UNC45A: variants seen among roughly 807,000 people sequenced by gnomAD.
UNC45A encodes protein unc-45 homolog A.
In UNC45A, 78 loss-of-function variants were observed where a neutral mutation model predicts 103.2. The ratio of observed to expected loss-of-function variants is 0.76; its 90% CI spans 0.63 to 0.91. The LOEUF is 0.91. Ranked by LOEUF, UNC45A falls within the 40% of genes least tolerant of loss-of-function variation. The pLI is 0.00. For synonymous variants in UNC45A, 495 were observed against 504.6 expected (o/e 0.98, Z 0.25); for missense variants, 1,193 against 1,224.8 (o/e 0.97, Z 0.39).
chr15:90,949,851 C>T, intron 15 of UNC45A, 131 bp downstream of exon 15: 1 of 1,008,914 alleles, frequency 9.9e-7, no homozygotes, highest in Non-Finnish European at 1.5e-6. Context: ...GGAACACCGT[C>T]CCGCTGAGAG....
At chr15:90,952,904 G>C (rs756963212) in intron 17 of UNC45A, 25 bp from the exon 18 acceptor site, 3 of 1,601,256 alleles carry the variant, frequency 1.9e-6, no homozygotes, top group Non-Finnish European at 2.6e-6. Context: ...CCGTATCCCT[G>C]CTGCTTCCTC....
rs751138040 is a variant in UNC45A, at chr15:90,935,306, A to C, written c.-19A>C. ...CCCCAGAGACTGCGCCTGCGCGGGC[A>C]CGAGACAACCTCTCCGCGATGACTG... On this transcript the variant is annotated 5_prime_UTR_variant, in exon 1 of 20. Coordinates refer to ENST00000418476, the MANE Select transcript of UNC45A (RefSeq NM_018671.5). 2.5e-6 allele frequency: 4 copies of C among 1,598,220 alleles called. No individual in the cohort carries two copies. Among genetic ancestry groups the C allele is most frequent in the Non-Finnish European group, 3.4e-6 (4 of 1,174,790 alleles).
chr15:90,940,968 T>C (rs1288661211), intron 6 of UNC45A: 1 of 151,744 alleles, frequency 6.6e-6, no homozygotes, highest in Non-Finnish European at 1.5e-5. Context: ...AGGAGATACA[T>C]GTAACAAGAG....
Position 90,944,808 on chromosome 15 carries a change from C to T in UNC45A, c.1028-84C>T, listed in dbSNP as rs980314089. The T allele has an allele frequency of 3.4e-6, 5 of 1,489,232 alleles. No individual in the cohort carries two copies. In the Admixed American group the frequency reaches 1.1e-4, roughly 32 times the overall value. 92.3% of individuals were successfully genotyped at this position (1,489,232 alleles called of 1,614,324 possible). On this transcript the variant is annotated intron_variant, in intron 8 of 19. Transcript: ENST00000418476. ...TCTGTAGCCTTCTTGTCTTGCTTTT[C>T]TCCACATCTCCTAGGAAGCCTGTTT...
rs751447906 is a variant in UNC45A at position 90,935,720 on chromosome 15, C to T, written c.213+15C>T. On this transcript the variant is annotated intron_variant, in intron 2 of 19. Coordinates refer to ENST00000418476, the MANE Select transcript of UNC45A (RefSeq NM_018671.5). ...ACCTCAAGCTGGTGAGGGAGCCTGGCGCTCTTCCCCTCGCCCGCCCGGGCC... is the reference window on the plus strand; with the variant it reads ...ACCTCAAGCTGGTGAGGGAGCCTGGTGCTCTTCCCCTCGCCCGCCCGGGCC... The T allele has an allele frequency of 9.1e-6, 14 of 1,543,844 alleles. No homozygotes were observed. The highest frequency in any genetic ancestry group is 4.5e-5 in the East Asian group (2 of 44,280).
rs2037075860 is a variant in UNC45A, at chr15:90,953,900, G to A, written c.*184G>A. 2.4e-6 allele frequency: 2 copies of A among 818,200 alleles called. No individual in the cohort carries two copies. Among genetic ancestry groups the A allele is most frequent in the South Asian group, 1.8e-5 (1 of 55,876 alleles). 50.7% of individuals were successfully genotyped at this position (818,200 alleles called of 1,614,324 possible). A position where few individuals can be genotyped will look rare whatever the true frequency, so the allele number is the denominator to read the frequency against. ...CACGTTCAGTCACACAGCCCTGCTT[G>A]GCCAGCACTGCCTGCAGCCTCACTC... On this transcript the variant is annotated 3_prime_UTR_variant, in exon 20 of 20. Coordinates refer to ENST00000418476, the MANE Select transcript of UNC45A (RefSeq NM_018671.5).
intron 4 of UNC45A, among the ~76,000 whole-genome samples, chr15:90,938,961 C>T (rs755894505): frequency 1.3e-4 from 19 of 150,290 alleles, no homozygotes; most frequent in African/African-American, 3.4e-4. Flanking sequence ...CGTGAGCCAC[C>T]GTGCCTGGCT....
chr15:90,948,023 C>G (rs899055230), intron 11 of UNC45A, 119 bp from the exon 12 acceptor site: 10 of 1,528,828 alleles, frequency 6.5e-6, no homozygotes, highest in South Asian at 1.2e-5. Context: ...GATCCTGGTA[C>G]GTGAACTGCT....
chr15:90,932,661 C>T (rs1186189786), upstream of UNC45A: 4 of 531,908 alleles, frequency 7.5e-6, no homozygotes, highest in African/African-American at 7.8e-5. Context: ...GTTGGGCCTG[C>T]CCCAGATGAA....
At chr15:90,942,635 G>A in intron 7 of UNC45A, 30 bp downstream of exon 7, 1 of 1,613,924 alleles carries the variant, frequency 6.2e-7, no homozygotes, top group Non-Finnish European at 8.5e-7. Flanking sequence ...GGGTCTTTTG[G>A]ACGTTACTGT....
intron 9 of UNC45A, 139 bp from the exon 10 acceptor site, chr15:90,946,475 G>A (rs11857545): frequency 0.26 from 248,331 of 959,038 alleles, 34,874 homozygotes; most frequent in East Asian, 0.56. Context: ...AGGTGGAAAC[G>A]TCCTAGTCCT....
chr15:90,953,333 G>A (rs1425857660), intron 19 of UNC45A, 23 bp downstream of exon 19: 2 of 1,600,368 alleles, frequency 1.2e-6, no homozygotes, highest in South Asian at 1.1e-5. Context: ...TCTCAGTGGG[G>A]GAGGAGGGAC....
At chr15:90,940,585 C>A in intron 6 of UNC45A, 112 bp downstream of exon 6, 1 of 1,358,654 alleles carries the variant, frequency 7.4e-7, no homozygotes, top group Non-Finnish European at 1.0e-6. Context: ...ATCCATCCAT[C>A]CACTCTTCCA....
Position 90,936,077 on chromosome 15 carries a change from C to T in UNC45A, c.250+95C>T, listed in dbSNP as rs2036001415. 3.2e-6 allele frequency: 5 copies of T among 1,574,260 alleles called. No homozygotes were observed. The Admixed American group carries it at 9.5e-5, about 30-fold the overall frequency. The stretch of plus-strand genomic sequence containing the variant: ...GCACCGTCACATTCTCCTCCTTTGG[C>T]CCCAGAGACACATCTGCCTTCTTTC... On this transcript the variant is annotated intron_variant, in intron 3 of 19. Coordinates refer to ENST00000418476, the MANE Select transcript of UNC45A (RefSeq NM_018671.5).
In UNC45A at chr15:90,948,205, C is replaced by A. The variant is rs747728579; in HGVS notation, c.1659C>A (p.Tyr553Ter). The change falls in exon 12 of 20, where the codon TAC (tyrosine) becomes TAA (stop). Residue 553 changes from tyrosine (Y) to a stop codon, truncating the protein, a stop_gained. Transcript: ENST00000418476. LOFTEE classifies it high-confidence loss of function. ...TRRWAVEGLA[Y>*]LTFDADVKEE... ...GCTGGGCAGTGGAGGGCCTGGCTTA[C>A]CTGACCTTTGATGCCGACGTGAAGG... 6.2e-7 allele frequency: 1 copy of A among 1,614,186 alleles called. No individual in the cohort carries two copies. The highest frequency in any genetic ancestry group is 8.5e-7 in the Non-Finnish European group (1 of 1,180,046).
intron 16 of UNC45A, 81 bp from the exon 17 acceptor site, chr15:90,950,419 G>T (rs1044638267): frequency 6.6e-7 from 1 of 1,510,916 alleles, no homozygotes; most frequent in Non-Finnish European, 9.1e-7. Context: ...ACTCTCTTGG[G>T]GGTGGGCTTC....
upstream of UNC45A, chr15:90,934,744 G>A: frequency 5.0e-6 from 2 of 399,084 alleles, no homozygotes; most frequent in Admixed American, 4.4e-5. Flanking sequence ...TGGTAATGGG[G>A]AGCCATCCTG....
At chr15:90,944,831 T>C (rs768791813) in intron 8 of UNC45A, 61 bp from the exon 9 acceptor site, 122 of 1,553,020 alleles carry the variant, frequency 7.9e-5, no homozygotes, top group Non-Finnish European at 9.7e-5. Flanking sequence ...AGGAAGCCTG[T>C]TTCTTTTACT....
upstream of UNC45A, chr15:90,932,588 G>C: frequency 1.8e-6 from 2 of 1,139,444 alleles, no homozygotes; most frequent in Non-Finnish European, 1.1e-6. Context: ...GGGACGGAAC[G>C]TTTACAGCGC....
Sources: gnomAD v4.1 joint callset for allele counts (sites outside exome capture counted in the v4.1 genomes callset) on GRCh38, gnomAD v4.1.1 for gene constraint, MANE v1.5 for transcripts, NCBI Gene and HGNC (gene_info 2026-07-23, HGNC 2026-07-21) for gene names.